The following WIPF1 variants were observed in gnomAD, a reference collection of about 807,000 sequenced individuals.
WIPF1 encodes the protein WAS/WASL-interacting protein family member 1.
Under a neutral mutation model 35.4 loss-of-function variants are expected in WIPF1, and 13 were observed. The observed-to-expected ratio is 0.37, with a 90% CI of 0.24 to 0.58. WIPF1 has a LOEUF of 0.58. Ranked by LOEUF, WIPF1 falls within the 20% of genes least tolerant of loss-of-function variation. The pLI, the probability that WIPF1 is intolerant of heterozygous loss-of-function variation, is 0.74. For missense variants in WIPF1, 591 were observed against 667.0 expected, an observed-to-expected ratio of 0.89 and a Z score of 1.25; for synonymous variants, 267 against 266.3, an observed-to-expected ratio of 1.00 and a Z score of -0.02.
intron 1 of WIPF1, among the ~76,000 whole-genome samples, chr2:174,637,823 C>T (rs1366407734): frequency 6.6e-6 from 1 of 152,164 alleles, no homozygotes; most frequent in Non-Finnish European, 1.5e-5. Context: ...ACCATAATAC[C>T]AAGTGAGTGA....
At chr2:174,599,499 T>C (rs1685924898), upstream of WIPF1, among the ~76,000 whole-genome samples, 1 of 152,132 alleles carries the variant, frequency 6.6e-6, no homozygotes, top group Non-Finnish European at 1.5e-5. Context: ...GACCGCCTCT[T>C]GTCTAACTCT....
intron 1 of WIPF1, among the ~76,000 whole-genome samples, chr2:174,657,868 C>T (rs1687676751): frequency 1.4e-5 from 2 of 145,518 alleles, no homozygotes; most frequent in South Asian, 4.3e-4. Context: ...CAAGATTGTG[C>T]CATTGCACTT....
intron 1 of WIPF1, among the ~76,000 whole-genome samples, chr2:174,605,520 T>C (rs931855754): frequency 5.3e-5 from 8 of 152,088 alleles, no homozygotes; most frequent in Admixed American, 5.2e-4. Flanking sequence ...AATGAGGCAA[T>C]TGGAAATTTG....
chr2:174,635,103 A>G (rs1687145537), intron 1 of WIPF1, among the ~76,000 whole-genome samples: 1 of 152,342 alleles, frequency 6.6e-6, no homozygotes, highest in South Asian at 2.1e-4. Context: ...ATCCTGCAGC[A>G]ACCATGGCTA....
chr2:174,597,291 A>T (rs1685850540), intron 1 of WIPF1, among the ~76,000 whole-genome samples: 2 of 152,194 alleles, frequency 1.3e-5, no homozygotes, highest in Admixed American at 1.3e-4. Context: ...CACCAAAAGG[A>T]TATATTTACC....
intron 1 of WIPF1, among the ~76,000 whole-genome samples, chr2:174,667,445 G>T (rs1312582397): frequency 2.6e-5 from 4 of 152,160 alleles, no homozygotes; most frequent in African/African-American, 9.7e-5. Flanking sequence ...GAAGTGTCTA[G>T]CTCAGAGGTG....
At chr2:174,591,049 C>A (rs1270976449) in intron 1 of WIPF1, among the ~76,000 whole-genome samples, 1 of 152,152 alleles carries the variant, frequency 6.6e-6, no homozygotes, top group Non-Finnish European at 1.5e-5. Context: ...AAAATGAGGC[C>A]ATTGGGTGAG....
chr2:174,573,287 A>AG (rs35000786), intron 4 of WIPF1, among the ~76,000 whole-genome samples: 6 of 151,348 alleles, frequency 4.0e-5, no homozygotes, highest in Non-Finnish European at 8.8e-5. Context: ...AAAAAAAAAA[A>AG]TCTACCCATT....
At chr2:174,663,777 T>C (rs1219233971) in intron 1 of WIPF1, among the ~76,000 whole-genome samples, 1 of 152,214 alleles carries the variant, frequency 6.6e-6, no homozygotes, top group African/African-American at 2.4e-5. Context: ...ACTAGTGCCT[T>C]GGATAATCTA....
chr2:174,584,054 C>T (rs961326223), intron 2 of WIPF1, among the ~76,000 whole-genome samples: 13 of 152,154 alleles, frequency 8.5e-5, no homozygotes, highest in African/African-American at 2.9e-4. Flanking sequence ...TCTCGAACTC[C>T]TGGGCTCAAG....
chr2:174,661,166 C>T (rs372685594), intron 1 of WIPF1, among the ~76,000 whole-genome samples: 21 of 152,230 alleles, frequency 1.4e-4, no homozygotes, highest in Non-Finnish European at 1.9e-4. Context: ...GGGAGGCCAG[C>T]GTGCAGCAGG....
intron 1 of WIPF1, among the ~76,000 whole-genome samples, chr2:174,606,951 G>A (rs1012275121): frequency 6.6e-6 from 1 of 152,172 alleles, no homozygotes; most frequent in Non-Finnish European, 1.5e-5. Flanking sequence ...GGCCACATCT[G>A]GTGAGGGCCT....
chr2:174,631,642 A>G (rs1482269318), intron 1 of WIPF1, among the ~76,000 whole-genome samples: 1 of 152,194 alleles, frequency 6.6e-6, no homozygotes, highest in Non-Finnish European at 1.5e-5. Context: ...CAAAACCTAT[A>G]GTTCTTAGTA....
At position 174,664,144 on chromosome 2, in the gene WIPF1, C is replaced by T. The variant is rs527236221; in HGVS notation, c.-39+18630G>A. Among the ~76,000 whole-genome samples, 15 of 152,306 alleles carry T rather than the reference C, an allele frequency of 9.8e-5. No homozygotes were observed. The South Asian group carries it at 3.1e-3, about 32-fold the overall frequency. On this transcript the variant is annotated intron_variant, in intron 1 of 8. Transcript: ENST00000272746. ...TCCCTCTGTCCCTCTCTCTCACACA[C>T]ACACACACACCCCAAGTGCTTGAAT...
At chr2:174,616,711 G>C (rs1018893887) in intron 1 of WIPF1, among the ~76,000 whole-genome samples, 1 of 152,170 alleles carries the variant, frequency 6.6e-6, no homozygotes, top group African/African-American at 2.4e-5. Flanking sequence ...AAATTATTTA[G>C]AGTTTTCTGT....
intron 1 of WIPF1, among the ~76,000 whole-genome samples, chr2:174,589,845 A>G (rs1685549909): frequency 6.6e-6 from 1 of 152,214 alleles, no homozygotes; most frequent in South Asian, 2.1e-4. Flanking sequence ...AACCATTAAT[A>G]AAGAAGTACA....
rs77308878 is a variant in WIPF1, at chr2:174,643,890, T to C, written c.-39+38884A>G. On this transcript the variant is annotated intron_variant, in intron 1 of 8. Coordinates refer to the WIPF1 transcript ENST00000272746. The stretch of plus-strand genomic sequence containing the variant: ...TTAATATTACTGTCCTGATTTTTGT[T>C]AGTTAGCATTCACTAACCTATCCCC... Among the ~76,000 whole-genome samples the C allele has an allele frequency of 5.3e-3, 801 of 152,342 alleles. 7 individuals carry two copies. Among genetic ancestry groups the C allele is most frequent in the Middle Eastern group, 0.017 (5 of 294 alleles).
At chr2:174,675,895 C>T (rs1055322254) in intron 1 of WIPF1, among the ~76,000 whole-genome samples, 2 of 144,874 alleles carry the variant, frequency 1.4e-5, no homozygotes, top group Non-Finnish European at 3.0e-5. Flanking sequence ...GGCATGAAGG[C>T]GTGGGGAAGA....
chr2:174,653,599 G>C (rs1187503139), intron 1 of WIPF1, among the ~76,000 whole-genome samples: 1 of 151,848 alleles, frequency 6.6e-6, no homozygotes, highest in Non-Finnish European at 1.5e-5. Context: ...AAAATTAGCC[G>C]GGTGTGGTGG....
Sources: allele counts gnomAD v4.1 joint callset (sites outside exome capture counted in the v4.1 genomes callset), GRCh38; gene constraint gnomAD v4.1.1; transcripts MANE v1.5; gene names NCBI Gene and HGNC (gene_info 2026-07-23, HGNC 2026-07-21).